ADAMTS12: variants seen among roughly 807,000 people sequenced by gnomAD.
The protein encoded by ADAMTS12 is A disintegrin and metalloproteinase with thrombospondin motifs 12.
In ADAMTS12, 118 loss-of-function variants were observed where a neutral mutation model predicts 167.8. That is an observed-to-expected ratio of 0.70 (90% CI 0.61 to 0.82). The LOEUF (loss-of-function observed/expected upper bound fraction) is 0.82, where lower values mean the gene tolerates loss of function less well. Ranked by LOEUF, ADAMTS12 falls within the 40% of genes least tolerant of loss-of-function variation. The probability of loss-of-function intolerance (pLI) is 0.00; values close to 1 mark genes in which losing one functional copy is unlikely to be tolerated. For synonymous variants in ADAMTS12, 704 were observed against 716.9 expected (o/e 0.98, Z 0.29); for missense variants, 1,916 against 1,998.8 (o/e 0.96, Z 0.79).
intron 2 of ADAMTS12, among the ~76,000 whole-genome samples, chr5:33,811,526 G>T (rs2112487776): frequency 6.6e-6 from 1 of 152,286 alleles, no homozygotes; most frequent in Non-Finnish European, 1.5e-5. Flanking sequence ...GAAGGGCAAA[G>T]GCCCTCTGGG....
chr5:33,545,553 C>T (rs1744928138), intron 22 of ADAMTS12, among the ~76,000 whole-genome samples: 1 of 152,166 alleles, frequency 6.6e-6, no homozygotes, highest in Non-Finnish European at 1.5e-5. Context: ...TATAAAGACA[C>T]ATGCACATGT....
chr5:33,798,594 T>A (rs1746872020), intron 2 of ADAMTS12, among the ~76,000 whole-genome samples: 1 of 151,874 alleles, frequency 6.6e-6, no homozygotes, highest in African/African-American at 2.4e-5. Context: ...GCACCCACCA[T>A]TATGCCTGGC....
chr5:33,769,373 C>A (rs895576801), intron 2 of ADAMTS12, among the ~76,000 whole-genome samples: 2 of 152,142 alleles, frequency 1.3e-5, no homozygotes, highest in Non-Finnish European at 2.9e-5. Context: ...ACCGTGCCAA[C>A]CAGAATTGGG....
intron 3 of ADAMTS12, among the ~76,000 whole-genome samples, chr5:33,699,488 ATGTT>A (rs1742917094): frequency 6.6e-6 from 1 of 152,152 alleles, no homozygotes; most frequent in African/African-American, 2.4e-5. Flanking sequence ...TACGAGAAAA[ATGTT>A]TGGGATGAAG....
chr5:33,889,423 T>C (rs1750763722), intron 1 of ADAMTS12, among the ~76,000 whole-genome samples: 1 of 152,206 alleles, frequency 6.6e-6, no homozygotes, highest in South Asian at 2.1e-4. Flanking sequence ...AGATTGGTTA[T>C]TTGTGAGGCT....
At chr5:33,873,235 A>G (rs1322657189) in intron 2 of ADAMTS12, among the ~76,000 whole-genome samples, 2 of 152,046 alleles carry the variant, frequency 1.3e-5, no homozygotes, top group Non-Finnish European at 2.9e-5. Flanking sequence ...TGAAGGACAC[A>G]AGGTTAATAA....
chr5:33,725,390 C>A (rs113610704), intron 3 of ADAMTS12, among the ~76,000 whole-genome samples: 1,729 of 152,298 alleles, frequency 0.011, 13 homozygotes, highest in Non-Finnish European at 0.018. Context: ...TGTTCCTCCC[C>A]TGCCTGATCA....
chr5:33,591,739 A>G (rs1747648538), intron 17 of ADAMTS12, among the ~76,000 whole-genome samples: 1 of 152,182 alleles, frequency 6.6e-6, no homozygotes, highest in Non-Finnish European at 1.5e-5. Context: ...GGTCTCAATC[A>G]GCAGAGATTT....
intron 15 of ADAMTS12, among the ~76,000 whole-genome samples, chr5:33,614,970 C>CAT (rs1738918667): frequency 6.6e-6 from 1 of 152,206 alleles, no homozygotes; most frequent in Admixed American, 6.5e-5. Context: ...GTATCTTTAA[C>CAT]AAATAGTAGT....
intron 2 of ADAMTS12, among the ~76,000 whole-genome samples, chr5:33,864,954 A>G (rs191006392): frequency 6.6e-6 from 1 of 152,208 alleles, no homozygotes; most frequent in African/African-American, 2.4e-5. Context: ...AAACCTGCAC[A>G]TTCTGCACAC....
At chr5:33,721,062 C>G (rs550680242) in intron 3 of ADAMTS12, among the ~76,000 whole-genome samples, 1 of 152,296 alleles carries the variant, frequency 6.6e-6, no homozygotes, top group Admixed American at 6.5e-5. Context: ...TATGCAACCA[C>G]ATCTAATAGT....
rs1429949086 is a variant in ADAMTS12, at chr5:33,576,577, C to A, written c.3449G>T (p.Gly1150Val). 4 of 1,614,086 alleles carry A rather than the reference C, an allele frequency of 2.5e-6. No homozygotes were observed. The highest frequency in any genetic ancestry group is 3.4e-6 in the Non-Finnish European group (4 of 1,180,036). Residue 1150 changes from glycine to valine, a missense_variant, in exon 19 of 24, where the codon GGT (glycine) becomes GTT (valine). By Grantham distance (109) the Gly-to-Val change is moderately radical. Transcript: ENST00000504830. ...GCCACTGTGAATCTCCATTTCTGGA[C>A]CTTTGGTCAAGGTATTGTAAAATGG... ...VTPFYNTLTK[G>V]PEMEIHSGSG... is the part of the protein sequence containing the mutation.
At chr5:33,789,876 T>G (rs952657700) in intron 2 of ADAMTS12, among the ~76,000 whole-genome samples, 1 of 152,190 alleles carries the variant, frequency 6.6e-6, no homozygotes, top group African/African-American at 2.4e-5. Flanking sequence ...CTGCCTCTCA[T>G]GGATTTACTT....
intron 19 of ADAMTS12, among the ~76,000 whole-genome samples, chr5:33,566,142 T>C (rs1004871261): frequency 1.3e-5 from 2 of 152,172 alleles, no homozygotes; most frequent in African/African-American, 4.8e-5. Context: ...TCAAATTGAA[T>C]AGTCAATGAC....
At chr5:33,753,566 C>T (rs1012936664) in intron 2 of ADAMTS12, among the ~76,000 whole-genome samples, 2 of 152,250 alleles carry the variant, frequency 1.3e-5, no homozygotes, top group Middle Eastern at 3.4e-3. Flanking sequence ...AGTGTACCTG[C>T]TATCAGCCCA....
chr5:33,635,308 T>G (rs1443568999), intron 12 of ADAMTS12, among the ~76,000 whole-genome samples: 1 of 152,214 alleles, frequency 6.6e-6, no homozygotes, highest in Non-Finnish European at 1.5e-5. Context: ...TCGAAGGTTT[T>G]AAAGACATGA....
At chr5:33,877,131 C>T (rs940788805) in intron 2 of ADAMTS12, among the ~76,000 whole-genome samples, 7 of 152,050 alleles carry the variant, frequency 4.6e-5, no homozygotes, top group Non-Finnish European at 7.4e-5. Context: ...ATTTGATTTC[C>T]CAGCAGGGGC....
At chr5:33,534,067 T>A (rs1040831273) in intron 23 of ADAMTS12, among the ~76,000 whole-genome samples, 2 of 152,232 alleles carry the variant, frequency 1.3e-5, no homozygotes, top group African/African-American at 4.8e-5. Flanking sequence ...GGAATGGACA[T>A]TATAGGTCAT....
intron 12 of ADAMTS12, among the ~76,000 whole-genome samples, chr5:33,633,353 G>A (rs547004216): frequency 1.0e-4 from 15 of 146,334 alleles, no homozygotes; most frequent in Non-Finnish European, 1.5e-5. Context: ...GGCTAGACAG[G>A]TTAACTGAAG....
Sources: allele counts gnomAD v4.1 joint callset (sites outside exome capture counted in the v4.1 genomes callset), GRCh38; gene constraint gnomAD v4.1.1; transcripts MANE v1.5; gene names NCBI Gene and HGNC (gene_info 2026-07-23, HGNC 2026-07-21).